TRAK2: variants seen among roughly 807,000 people sequenced by gnomAD.
The protein encoded by TRAK2 is trafficking kinesin-binding protein 2.
Under a neutral mutation model 104.6 loss-of-function variants are expected in TRAK2, and 81 were observed. The ratio of observed to expected loss-of-function variants is 0.77; its 90% CI spans 0.65 to 0.93. TRAK2 has a LOEUF of 0.93. Ranked by LOEUF, TRAK2 falls within the 40% of genes least tolerant of loss-of-function variation. TRAK2 has a pLI of 0.00. For synonymous variants in TRAK2, 406 were observed against 394.4 expected (o/e 1.03, Z -0.35); for missense variants, 1,002 against 1,089.0 (o/e 0.92, Z 1.12).
At chr2:201,416,822 G>A (rs1029163603) in intron 2 of TRAK2, among the ~76,000 whole-genome samples, 2 of 151,324 alleles carry the variant, frequency 1.3e-5, no homozygotes, top group Non-Finnish European at 2.9e-5. Context: ...AAAATAAGAG[G>A]TATAGCTAAT....
chr2:201,410,667 T>C (rs1032829425), intron 2 of TRAK2: 10 of 1,310,386 alleles, frequency 7.6e-6, no homozygotes, highest in Non-Finnish European at 1.1e-5. Flanking sequence ...CAGATTGTCC[T>C]ATCATGTTCA....
Position 201,420,561 on chromosome 2 carries a change from T to TA in TRAK2, c.-55dup. On this transcript the variant is annotated 5_prime_UTR_variant, in exon 2 of 16. An upstream open reading frame in the 5' UTR gains an earlier in-frame stop. Coordinates refer to ENST00000332624, the MANE Select transcript of TRAK2 (RefSeq NM_015049.3). ...AGGACAGCTTTGGTATGAATCAGAG[T>TA]AAAGGAAATCCATCAAGCCATTCAA... 7.1e-7 allele frequency: 1 copy of TA among 1,410,360 alleles called. No individual in the cohort carries two copies. The highest frequency in any genetic ancestry group is 1.2e-5 in the South Asian group (1 of 86,262). 87.4% of individuals were successfully genotyped at this position (1,410,360 alleles called of 1,614,324 possible).
intron 1 of TRAK2, among the ~76,000 whole-genome samples, chr2:201,450,079 T>C (rs1367271564): frequency 6.6e-6 from 1 of 152,170 alleles, no homozygotes; most frequent in Non-Finnish European, 1.5e-5. Context: ...TGGTATGTGC[T>C]TGCTAAATGT....
In TRAK2 at chr2:201,451,426, GCAGCCGAA is replaced by G. The variant is rs1559459170; in HGVS notation, c.-284_-277del. The G allele has an allele frequency of 1.2e-4, 18 of 152,214 alleles. No individual in the cohort carries two copies. Among genetic ancestry groups the G allele is most frequent in the Admixed American group, 9.8e-4 (15 of 15,284 alleles). 9.4% of individuals were successfully genotyped at this position (152,214 alleles called of 1,614,324 possible). On this transcript the variant is annotated 5_prime_UTR_variant, in exon 1 of 16. Transcript: ENST00000332624. ...CTAATGCAGCGGCAGCCTGAAAGCA[GCAGCCGAA>G]GCTGCTGCCGCTGCTCCCACTGCCA...
intron 2 of TRAK2, among the ~76,000 whole-genome samples, chr2:201,417,255 A>G (rs938149680): frequency 1.1e-4 from 17 of 150,458 alleles, no homozygotes; most frequent in African/African-American, 3.9e-4. Context: ...AAAAAAAAAA[A>G]AAAAGAAAAG....
intron 2 of TRAK2, chr2:201,410,894 A>G: frequency 6.3e-7 from 1 of 1,588,432 alleles, no homozygotes; most frequent in Admixed American, 1.7e-5. Context: ...AAGTTTGGCA[A>G]AGTGGGAGGT....
chr2:201,417,870 A>AT (rs1951707292), intron 2 of TRAK2, among the ~76,000 whole-genome samples: 1 of 152,238 alleles, frequency 6.6e-6, no homozygotes, highest in Non-Finnish European at 1.5e-5. Context: ...AAGTTGCAGA[A>AT]TATATGGTCA....
At chr2:201,387,556 C>T (rs994094395) in intron 13 of TRAK2, 147 bp downstream of exon 13, 3 of 746,158 alleles carry the variant, frequency 4.0e-6, no homozygotes, top group Non-Finnish European at 6.4e-6. Context: ...CAAAGTACTA[C>T]AGTCTTGCCA....
At position 201,398,240 on chromosome 2, in the gene TRAK2, C is replaced by T. The variant is rs754591409; in HGVS notation, c.595G>A (p.Glu199Lys). 91 of 1,613,658 alleles carry T rather than the reference C, an allele frequency of 5.6e-5. No homozygotes were observed. The Admixed American group carries it at 7.7e-4, about 14-fold the overall frequency. Residue 199 changes from glutamate (E) to lysine (K), a missense_variant, in exon 6 of 16, where the codon GAG becomes AAG. Physicochemically the swap from Glu to Lys is moderately conservative, Grantham distance 56. Transcript: ENST00000332624. ...AACCCTTGAGATAAGCTAAAGGACT[C>T]ATTGAACCGAAGAGGTGTAGAACAG... ...SSCSTPLRFN[E>K]SFSLSQGLLQ...
chr2:201,393,017 C>A lies in TRAK2; in HGVS notation c.1005G>T (p.Glu335Asp). ...GGGATTCATGTAACATTCCTAGACACTCCATATTCCTGTCTTGTAACTCGT... is the reference window on the plus strand; with the variant it reads ...GGGATTCATGTAACATTCCTAGACAATCCATATTCCTGTCTTGTAACTCGT... Reference protein sequence around the residue: ...ELHELQDRNMECLGMLHESQE... With the variant: ...ELHELQDRNMDCLGMLHESQE... The change falls in exon 10 of 16, where the codon GAG becomes GAT. Residue 335 changes from glutamate (E) to aspartate (D), a missense_variant. Glu to Asp is a conservative substitution (Grantham distance 45, BLOSUM62 2). Coordinates refer to ENST00000332624, the MANE Select transcript of TRAK2 (RefSeq NM_015049.3). 6.2e-7 allele frequency: 1 copy of A among 1,612,790 alleles called. No individual in the cohort carries two copies. Among genetic ancestry groups the A allele is most frequent in the Non-Finnish European group, 8.5e-7 (1 of 1,179,262 alleles).
chr2:201,391,281 C>G (rs1411352765), intron 10 of TRAK2, among the ~76,000 whole-genome samples: 1 of 152,046 alleles, frequency 6.6e-6, no homozygotes, highest in Non-Finnish European at 1.5e-5. Flanking sequence ...AGCTTGTAAT[C>G]TATTGAATAA....
At chr2:201,442,099 G>A (rs1339015285) in intron 1 of TRAK2, among the ~76,000 whole-genome samples, 1 of 151,304 alleles carries the variant, frequency 6.6e-6, no homozygotes, top group Non-Finnish European at 1.5e-5. Flanking sequence ...AGCGATACGA[G>A]CAGAGAGCAA....
intron 2 of TRAK2, among the ~76,000 whole-genome samples, chr2:201,416,855 A>T (rs1951696036): frequency 1.3e-5 from 2 of 152,022 alleles, no homozygotes; most frequent in African/African-American, 2.4e-5. Context: ...GAATTAAAAT[A>T]AAAAAAGTTT....
chr2:201,414,060 G>A (rs1315350861), intron 2 of TRAK2, among the ~76,000 whole-genome samples: 1 of 152,106 alleles, frequency 6.6e-6, no homozygotes, highest in Non-Finnish European at 1.5e-5. Flanking sequence ...ACAGTAGTAA[G>A]AAGTAACTAA....
At chr2:201,438,802 G>T (rs1951898154) in intron 1 of TRAK2, among the ~76,000 whole-genome samples, 2 of 152,198 alleles carry the variant, frequency 1.3e-5, no homozygotes, top group Non-Finnish European at 2.9e-5. Context: ...TGACTTATCT[G>T]GTTCCAGAGT....
At position 201,381,031 on chromosome 2, in the gene TRAK2, T is replaced by C; in HGVS notation, c.2257A>G (p.Lys753Glu). The change falls in exon 16 of 16, where the codon AAA becomes GAA. Residue 753 changes from lysine to glutamate, a missense_variant. Transcript: ENST00000332624. ...KLLQERGISA[K>E]VYHSPISENP... ...TCTGAAATTGGGCTGTGGTACACTT[T>C]GGCAGAGATGCCTCGCTCTTGTAGA... 1 of 1,614,134 alleles carries C rather than the reference T, an allele frequency of 6.2e-7. No individual in the cohort carries two copies. The highest frequency in any genetic ancestry group is 2.2e-5 in the East Asian group (1 of 44,876).
intron 1 of TRAK2, among the ~76,000 whole-genome samples, chr2:201,425,238 G>A (rs1350353970): frequency 6.6e-6 from 1 of 152,040 alleles, no homozygotes; most frequent in East Asian, 1.9e-4. Context: ...CTAAATCAAA[G>A]ATTTCCTAGA....
chr2:201,415,603 G>A (rs945194486), intron 2 of TRAK2, among the ~76,000 whole-genome samples: 1 of 152,034 alleles, frequency 6.6e-6, no homozygotes, highest in Non-Finnish European at 1.5e-5. Context: ...CACTAGATAA[G>A]ATAAACAGAT....
intron 1 of TRAK2, among the ~76,000 whole-genome samples, chr2:201,441,753 G>A (rs533755686): frequency 2.7e-5 from 4 of 148,772 alleles, no homozygotes; most frequent in East Asian, 2.0e-4. Context: ...GTGCAGAGGC[G>A]CGATCTCAGC....
Sources: allele counts gnomAD v4.1 joint callset (sites outside exome capture counted in the v4.1 genomes callset), GRCh38; gene constraint gnomAD v4.1.1; transcripts MANE v1.5; gene names NCBI Gene and HGNC (gene_info 2026-07-23, HGNC 2026-07-21).